The following PSD3 variants were observed in gnomAD, a reference collection of about 807,000 sequenced individuals.
PSD3 encodes the protein pleckstrin and Sec7 domain containing 3.
A neutral mutation model predicts 105.5 loss-of-function variants in PSD3; 49 were observed. The observed-to-expected ratio is 0.46, with a 90% confidence interval of 0.37 to 0.59. PSD3 has a LOEUF of 0.59. Ranked by LOEUF, PSD3 falls within the 20% of genes least tolerant of loss-of-function variation. The pLI is 0.00. For missense variants in PSD3, 1,561 were observed against 1,263.8 expected, an observed-to-expected ratio of 1.24 and a Z score of -3.57; for synonymous variants, 557 against 457.8, an observed-to-expected ratio of 1.22 and a Z score of -2.77.
At chr8:18,885,776 G>C (rs1818412957) in intron 2 of PSD3, among the ~76,000 whole-genome samples, 1 of 152,184 alleles carries the variant, frequency 6.6e-6, no homozygotes, top group Admixed American at 6.5e-5. Context: ...AGAGTTGAAA[G>C]TCAGTTTCCA....
intron 1 of PSD3, among the ~76,000 whole-genome samples, chr8:19,049,426 A>G (rs1483944461): frequency 6.6e-6 from 1 of 152,160 alleles, no homozygotes; most frequent in Non-Finnish European, 1.5e-5. Flanking sequence ...ACAGTGGCCC[A>G]CACCTGCAAT....
intron 2 of PSD3, among the ~76,000 whole-genome samples, chr8:18,904,830 GT>G (rs1819736690): frequency 6.6e-6 from 1 of 152,104 alleles, no homozygotes. Context: ...ACATAAGACT[GT>G]TTTCCAATAA....
chr8:19,027,584 C>G (rs558518924), intron 1 of PSD3, among the ~76,000 whole-genome samples: 1 of 152,336 alleles, frequency 6.6e-6, no homozygotes, highest in East Asian at 1.9e-4. Context: ...GTTCCACGCC[C>G]CTATGTCAGC....
rs541428718 is a variant in PSD3, at chr8:18,910,429, T to G, written c.130+25605A>C. Among the ~76,000 whole-genome samples, 12 of 112,028 alleles carry G rather than the reference T, an allele frequency of 1.1e-4. No individual in the cohort carries two copies. In the South Asian group the frequency reaches 1.4e-3, roughly 13 times the overall value. 73.5% of individuals were successfully genotyped at this position (112,028 alleles called of 152,430 possible). ...GCATATTCTCACTCATAGGTGGGAA[T>G]TGAACAATGAGATCACATGGACACA... On this transcript the variant is annotated intron_variant, in intron 2 of 15. Coordinates refer to ENST00000327040, the MANE Select transcript of PSD3 (RefSeq NM_015310.4).
At chr8:18,745,989 G>C (rs1379450491) in intron 9 of PSD3, among the ~76,000 whole-genome samples, 1 of 152,170 alleles carries the variant, frequency 6.6e-6, no homozygotes, top group Non-Finnish European at 1.5e-5. Context: ...GACAGACAGA[G>C]GCAGGTCCCC....
Position 18,529,870 on chromosome 8 carries a change from G to A in PSD3, c.*5873C>T, listed in dbSNP as rs933847592. On this transcript the variant is annotated 3_prime_UTR_variant, in exon 16 of 16. Coordinates refer to ENST00000327040, the MANE Select transcript of PSD3 (RefSeq NM_015310.4). ...ATAATTCTTAGAAGGAAATACTCTCGCAAAACTAAGACCCTGCCAATCATT... is the reference window on the plus strand; with the variant it reads ...ATAATTCTTAGAAGGAAATACTCTCACAAAACTAAGACCCTGCCAATCATT... The A allele has an allele frequency of 6.6e-6, 1 of 152,482 alleles. No individual in the cohort carries two copies. Among genetic ancestry groups the A allele is most frequent in the African/African-American group, 2.4e-5 (1 of 41,528 alleles). The allele number at this position is 152,482 out of a possible 1,614,324, so 9.4% of individuals were successfully genotyped here. A position where few individuals can be genotyped will look rare whatever the true frequency, so the allele number is the denominator to read the frequency against.
chr8:18,645,032 T>C (rs1197917697), intron 10 of PSD3, among the ~76,000 whole-genome samples: 1 of 152,168 alleles, frequency 6.6e-6, no homozygotes, highest in East Asian at 1.9e-4. Context: ...GAGAGCGAGT[T>C]GGGGATCACA....
At chr8:18,795,986 T>G (rs1030955624) in intron 8 of PSD3, among the ~76,000 whole-genome samples, 1 of 152,180 alleles carries the variant, frequency 6.6e-6, no homozygotes, top group Non-Finnish European at 1.5e-5. Flanking sequence ...ATAAGTATTT[T>G]GTAGATAAAG....
At chr8:18,947,434 A>G (rs1347235842) in intron 1 of PSD3, among the ~76,000 whole-genome samples, 1 of 152,104 alleles carries the variant, frequency 6.6e-6, no homozygotes, top group Non-Finnish European at 1.5e-5. Flanking sequence ...GTCCATTCTC[A>G]TTTTCCCACC....
In PSD3 at chr8:19,067,617, T is replaced by A. The variant is rs550042029; in HGVS notation, c.324+16589A>T. On this transcript the variant is annotated intron_variant, in intron 1 of 1. Transcript: ENST00000521475. ...GTCGGGTGGTTCAGGCACAGAGGCTTCCCAGGGTGTCACAAGCCAGCAGCA... is the reference window on the plus strand; with the variant it reads ...GTCGGGTGGTTCAGGCACAGAGGCTACCCAGGGTGTCACAAGCCAGCAGCA... 1.1e-3 allele frequency among the ~76,000 whole-genome samples: 166 copies of A among 152,248 alleles called. 1 individual carries two copies. Among genetic ancestry groups the A allele is most frequent in the African/African-American group, 3.7e-3 (155 of 41,566 alleles).
chr8:18,967,152 C>A (rs918399085), intron 1 of PSD3, among the ~76,000 whole-genome samples: 5 of 134,434 alleles, frequency 3.7e-5, no homozygotes, highest in African/African-American at 1.2e-4. Flanking sequence ...TTTCTTTTTT[C>A]TTTATTTATT....
At chr8:18,904,722 A>G (rs1193371329) in intron 2 of PSD3, among the ~76,000 whole-genome samples, 1 of 152,258 alleles carries the variant, frequency 6.6e-6, no homozygotes, top group African/African-American at 2.4e-5. Flanking sequence ...GTAAAGGACC[A>G]GACAGTAAAT....
intron 9 of PSD3, among the ~76,000 whole-genome samples, chr8:18,685,377 C>T (rs1800608841): frequency 6.6e-6 from 1 of 152,094 alleles, no homozygotes; most frequent in African/African-American, 2.4e-5. Flanking sequence ...GGTTTTGTTG[C>T]ATCCTCATGA....
At chr8:18,802,046 C>G (rs1233009900) in intron 6 of PSD3, among the ~76,000 whole-genome samples, 3 of 152,144 alleles carry the variant, frequency 2.0e-5, no homozygotes, top group Non-Finnish European at 4.4e-5. Context: ...CAGGGTGCTT[C>G]TGTCATTTTG....
chr8:19,049,230 A>G (rs1237098538), intron 1 of PSD3, among the ~76,000 whole-genome samples: 2 of 152,232 alleles, frequency 1.3e-5, no homozygotes, highest in East Asian at 3.8e-4. Context: ...ATCCCATAAT[A>G]GGCTCCAAAA....
rs77334587 is a variant in PSD3, at chr8:18,757,985, T to G, written c.2172+7464A>C. Among the ~76,000 whole-genome samples, 18 of 152,292 alleles carry G rather than the reference T, an allele frequency of 1.2e-4. No individual in the cohort carries two copies. The East Asian group carries it at 3.3e-3, about 28-fold the overall frequency. On this transcript the variant is annotated intron_variant, in intron 9 of 15. Transcript: ENST00000327040. Reference sequence around the variant, plus strand: ...GCTGAATAGACAAACTGCCCCATTTTTTTTTTTAGAGTGGACTTGTCCATT... The same window carrying G: ...GCTGAATAGACAAACTGCCCCATTTGTTTTTTTAGAGTGGACTTGTCCATT...
intron 9 of PSD3, among the ~76,000 whole-genome samples, chr8:18,734,889 A>C (rs1804032413): frequency 1.3e-5 from 2 of 152,238 alleles, no homozygotes; most frequent in African/African-American, 4.8e-5. Context: ...TACCATTACA[A>C]AGGCTTTCTG....
At position 18,871,673 on chromosome 8, in the gene PSD3, G is replaced by A; in HGVS notation, c.1191C>T (p.Asn397=). The stretch of plus-strand genomic sequence containing the variant: ...TAGGTGTCTTCTCAAGATGCTGTTT[G>A]TTTTCCTGTAGGAAGACTTCATCCT... ...SGEDEVFLQE[N]KQHLEKTPKP... The change falls in exon 3 of 16, where the codon AAC becomes AAT. Residue 397 remains asparagine (N), a synonymous_variant. Coordinates refer to ENST00000327040, the MANE Select transcript of PSD3 (RefSeq NM_015310.4). The A allele has an allele frequency of 6.2e-7, 1 of 1,613,454 alleles. No individual in the cohort carries two copies. The highest frequency in any genetic ancestry group is 8.5e-7 in the Non-Finnish European group (1 of 1,179,734).
chr8:18,806,634 CCT>C (rs143493814), intron 4 of PSD3, among the ~76,000 whole-genome samples: 2 of 152,202 alleles, frequency 1.3e-5, no homozygotes, highest in African/African-American at 4.8e-5. Context: ...ACATATGGCC[CCT>C]GTCACACATG....
Sources: allele counts gnomAD v4.1 joint callset (sites outside exome capture counted in the v4.1 genomes callset), GRCh38; gene constraint gnomAD v4.1.1; transcripts MANE v1.5; gene names NCBI Gene and HGNC (gene_info 2026-07-23, HGNC 2026-07-21).